Variants in ST6GALNAC5 observed in about 807,000 individuals in gnomAD.
ST6GALNAC5 encodes alpha-N-acetylgalactosaminide alpha-2,6-sialyltransferase 5.
A neutral mutation model predicts 33.6 loss-of-function variants in ST6GALNAC5; 27 were observed. That is an observed-to-expected ratio of 0.80 (90% CI 0.59 to 1.11). The LOEUF (loss-of-function observed/expected upper bound fraction) is 1.11, where lower values mean the gene tolerates loss of function less well. Ranked by LOEUF, ST6GALNAC5 falls within the 50% of genes least tolerant of loss-of-function variation. The probability of loss-of-function intolerance (pLI) is 0.00; values close to 1 mark genes in which losing one functional copy is unlikely to be tolerated. For missense variants in ST6GALNAC5, 428 were observed against 454.0 expected (o/e 0.94, Z 0.52); for synonymous variants, 194 against 171.2 (o/e 1.13, Z -1.04).
At chr1:76,929,191 A>G (rs1250679874) in intron 2 of ST6GALNAC5, among the ~76,000 whole-genome samples, 1 of 152,050 alleles carries the variant, frequency 6.6e-6, no homozygotes, top group East Asian at 1.9e-4. Context: ...TTCAAGTTTC[A>G]GGTTGGGAAA....
At chr1:76,910,287 A>C (rs1259276629) in intron 2 of ST6GALNAC5, among the ~76,000 whole-genome samples, 1 of 151,976 alleles carries the variant, frequency 6.6e-6, no homozygotes, top group Non-Finnish European at 1.5e-5. Flanking sequence ...TTATTATATA[A>C]TTTGCGTAAA....
In ST6GALNAC5 at chr1:77,046,285, C is replaced by T. The variant is rs145065932; in HGVS notation, c.671+1672C>T. Among the ~76,000 whole-genome samples the T allele has an allele frequency of 1.3e-4, 20 of 152,270 alleles. No individual in the cohort carries two copies. In the East Asian group the frequency reaches 3.7e-3, roughly 28 times the overall value. ...TTTAAATAAAGTGATATGATAAATG[C>T]AATAAAGAATATAAAGTAATAAATC... On this transcript the variant is annotated intron_variant, in intron 3 of 4. Transcript: ENST00000477717.
intron 2 of ST6GALNAC5, among the ~76,000 whole-genome samples, chr1:76,938,646 C>T (rs1023944221): frequency 1.3e-5 from 2 of 152,030 alleles, no homozygotes; most frequent in African/African-American, 4.8e-5. Flanking sequence ...ATAAATGCTC[C>T]GTGTGGTTCA....
chr1:76,979,690 G>A (rs542438503), intron 2 of ST6GALNAC5, among the ~76,000 whole-genome samples: 1 of 152,290 alleles, frequency 6.6e-6, no homozygotes, highest in East Asian at 1.9e-4. Flanking sequence ...ATTTTGGGAG[G>A]CCAAGGCGGG....
chr1:76,968,098 C>T (rs1240037296), intron 2 of ST6GALNAC5, among the ~76,000 whole-genome samples: 2 of 152,162 alleles, frequency 1.3e-5, no homozygotes, highest in African/African-American at 4.8e-5. Flanking sequence ...TCTATTAGGT[C>T]TGCTTGGTGC....
intron 2 of ST6GALNAC5, among the ~76,000 whole-genome samples, chr1:76,954,584 T>C (rs188294937): frequency 1.3e-5 from 2 of 152,198 alleles, no homozygotes; most frequent in Admixed American, 1.3e-4. Flanking sequence ...AATAAATACA[T>C]ATGTAAAACA....
intron 2 of ST6GALNAC5, among the ~76,000 whole-genome samples, chr1:76,948,109 T>C (rs1321368368): frequency 6.6e-6 from 1 of 152,156 alleles, no homozygotes; most frequent in Non-Finnish European, 1.5e-5. Flanking sequence ...TTCCATCTTA[T>C]AGCCTGCAAG....
intron 2 of ST6GALNAC5, among the ~76,000 whole-genome samples, chr1:76,885,891 T>C (rs1319001282): frequency 6.6e-6 from 1 of 152,212 alleles, no homozygotes; most frequent in Non-Finnish European, 1.5e-5. Flanking sequence ...TTCTTGCCAC[T>C]TTTCTCTAAA....
chr1:76,929,539 T>C (rs1207985006), intron 2 of ST6GALNAC5, among the ~76,000 whole-genome samples: 1 of 152,044 alleles, frequency 6.6e-6, no homozygotes, highest in Non-Finnish European at 1.5e-5. Context: ...ACCCCATCTC[T>C]AAGAAGAAGA....
chr1:77,046,152 T>C (rs892403690), intron 3 of ST6GALNAC5, among the ~76,000 whole-genome samples: 1 of 152,194 alleles, frequency 6.6e-6, no homozygotes, highest in African/African-American at 2.4e-5. Context: ...TAGTGGTGCA[T>C]GCCTATAATC....
In ST6GALNAC5 at chr1:76,868,437, C is replaced by CGCGCTCCTCCGGTGTCT; in HGVS notation, c.16-53_16-37dup. On this transcript the variant is annotated intron_variant, in intron 1 of 4. Coordinates refer to ENST00000477717, the MANE Select transcript of ST6GALNAC5 (RefSeq NM_030965.3). This position sits in a 1 kb window ranked among gnomAD's most constrained non-coding sequence, Gnocchi z 4.3. The stretch of plus-strand genomic sequence containing the variant: ...CCACCGCACAGTTGTCCCCGCTGGG[C>CGCGCTCCTCCGGTGTCT]GCGCTCCTCCGGTGTCTGCGCTCAG... 6.5e-7 allele frequency: 1 copy of CGCGCTCCTCCGGTGTCT among 1,544,600 alleles called. No individual in the cohort carries two copies. Among genetic ancestry groups the CGCGCTCCTCCGGTGTCT allele is most frequent in the Non-Finnish European group, 8.7e-7 (1 of 1,143,658 alleles).
intron 2 of ST6GALNAC5, among the ~76,000 whole-genome samples, chr1:76,904,808 G>A (rs1570657353): frequency 6.6e-6 from 1 of 151,590 alleles, no homozygotes; most frequent in African/African-American, 2.4e-5. Context: ...CTGGGCAACA[G>A]AGTGAGACTG....
intron 4 of ST6GALNAC5, among the ~76,000 whole-genome samples, chr1:77,058,959 A>G (rs1414474330): frequency 6.6e-6 from 1 of 152,262 alleles, no homozygotes; most frequent in Admixed American, 6.5e-5. Context: ...AGGTACTTAC[A>G]AAATCAGTTG....
chr1:76,926,959 A>T (rs1356500871), intron 2 of ST6GALNAC5, among the ~76,000 whole-genome samples: 1 of 152,028 alleles, frequency 6.6e-6, no homozygotes, highest in Non-Finnish European at 1.5e-5. Context: ...TTCATTTACC[A>T]TTTTATTTCT....
intron 2 of ST6GALNAC5, among the ~76,000 whole-genome samples, chr1:76,943,752 G>A (rs1158245505): frequency 1.3e-5 from 2 of 152,036 alleles, no homozygotes; most frequent in African/African-American, 2.4e-5. Flanking sequence ...AGTTTAACTG[G>A]AATCTTTTTT....
In ST6GALNAC5 at chr1:77,062,978, T is replaced by C. The variant is rs548841519; in HGVS notation, c.783T>C (p.Asp261=). The C allele has an allele frequency of 3.1e-6, 5 of 1,612,010 alleles. No homozygotes were observed. The highest frequency in any genetic ancestry group is 1.3e-5 in the African/African-American group (1 of 74,974). ...YGMVPPDFCR[D]PNHPSVPYHY... ...TTATCTCAATTTCCTCCTACAGGGA[T>C]CCCAATCACCCTTCAGTACCTTATC... Residue 261 remains aspartate, a synonymous_variant, in exon 5 of 5, where the codon GAT becomes GAC. Transcript: ENST00000477717.
chr1:76,899,965 C>T (rs924788317), intron 2 of ST6GALNAC5, among the ~76,000 whole-genome samples: 18 of 152,186 alleles, frequency 1.2e-4, no homozygotes, highest in African/African-American at 4.1e-4. Flanking sequence ...ATCCAAGTCA[C>T]GGCACCAAAT....
chr1:77,015,113 T>C (rs1650780014), intron 2 of ST6GALNAC5, among the ~76,000 whole-genome samples: 1 of 151,136 alleles, frequency 6.6e-6, no homozygotes, highest in African/African-American at 2.4e-5. Context: ...AGAAGTTGGC[T>C]TATGCAATTA....
chr1:76,912,395 T>C (rs1044392860), intron 2 of ST6GALNAC5, among the ~76,000 whole-genome samples: 4 of 152,152 alleles, frequency 2.6e-5, no homozygotes, highest in Non-Finnish European at 5.9e-5. Flanking sequence ...AAAAAATGTA[T>C]ATTCTGTTGA....
Sources: allele counts gnomAD v4.1 joint callset (sites outside exome capture counted in the v4.1 genomes callset), GRCh38; gene constraint gnomAD v4.1.1; non-coding constraint Gnocchi (gnomAD v3.1); transcripts MANE v1.5; gene names NCBI Gene and HGNC (gene_info 2026-07-23, HGNC 2026-07-21).